The following RABGAP1L variants were observed in gnomAD, a reference collection of about 807,000 sequenced individuals.
The protein encoded by RABGAP1L is RAB GTPase activating protein 1 like.
Under a neutral mutation model 137.7 loss-of-function variants are expected in RABGAP1L, and 63 were observed. The observed-to-expected ratio is 0.46, with a 90% CI of 0.37 to 0.56. The LOEUF (loss-of-function observed/expected upper bound fraction) is 0.56, where lower values mean the gene tolerates loss of function less well. RABGAP1L is among the 20% of genes least tolerant of loss of function. The pLI is 0.00. For missense variants in RABGAP1L, 1,095 were observed against 1,244.0 expected, an observed-to-expected ratio of 0.88 and a Z score of 1.80; for synonymous variants, 431 against 433.7, an observed-to-expected ratio of 0.99 and a Z score of 0.08.
chr1:174,728,470 G>T (rs1682180020), intron 17 of RABGAP1L, among the ~76,000 whole-genome samples: 1 of 152,004 alleles, frequency 6.6e-6, no homozygotes, highest in Non-Finnish European at 1.5e-5. Context: ...AGAAATCACA[G>T]ATGACACAAA....
intron 19 of RABGAP1L, among the ~76,000 whole-genome samples, chr1:174,915,393 G>A (rs935224865): frequency 2.6e-5 from 4 of 151,962 alleles, no homozygotes; most frequent in African/African-American, 9.7e-5. Context: ...TTTTCTAATG[G>A]TGTTGAGCCC....
chr1:174,613,272 G>C (rs1345633600), intron 13 of RABGAP1L, among the ~76,000 whole-genome samples: 1 of 152,046 alleles, frequency 6.6e-6, no homozygotes, highest in East Asian at 1.9e-4. Context: ...GTTCTCGTTG[G>C]TTTCAAAGTA....
intron 11 of RABGAP1L, among the ~76,000 whole-genome samples, chr1:174,349,397 C>T (rs920974612): frequency 4.8e-5 from 6 of 125,568 alleles, no homozygotes; most frequent in Admixed American, 7.7e-5. Flanking sequence ...GGCGGCTGGC[C>T]GGGTGGGGGG....
intron 12 of RABGAP1L, among the ~76,000 whole-genome samples, chr1:174,383,527 T>C (rs1317480442): frequency 6.6e-6 from 1 of 152,134 alleles, no homozygotes; most frequent in Non-Finnish European, 1.5e-5. Context: ...GAAAGGGCAA[T>C]ATTCGGGTGG....
chr1:174,609,755 T>C (rs888208498), intron 13 of RABGAP1L, among the ~76,000 whole-genome samples: 20 of 152,342 alleles, frequency 1.3e-4, no homozygotes, highest in Non-Finnish European at 2.5e-4. Flanking sequence ...ACCTTAATTA[T>C]GTAATTCATC....
chr1:174,327,986 CATATATATATATATATAT>C lies in RABGAP1L; in HGVS notation c.1465+22881_1465+22898del, dbSNP rs3057021. Among the ~76,000 whole-genome samples, 85 of 53,630 alleles carry C rather than the reference CATATATATATATATATAT, an allele frequency of 1.6e-3. 1 individual carries two copies. The highest frequency in any genetic ancestry group is 2.8e-3 in the Admixed American group (13 of 4,600). 35.2% of individuals were successfully genotyped at this position (53,630 alleles called of 152,430 possible). A position where few individuals can be genotyped will look rare whatever the true frequency, so the allele number is the denominator to read the frequency against. ...ATATATATATATATATATACACACA[CATATATATATATATATAT>C]ATATATATATATATATATATACCCA... On this transcript the variant is annotated intron_variant, in intron 11 of 25. Coordinates refer to ENST00000681986, the MANE Select transcript of RABGAP1L (RefSeq NM_001366446.1).
chr1:174,714,778 T>G (rs1212742551), intron 17 of RABGAP1L, among the ~76,000 whole-genome samples: 1 of 152,144 alleles, frequency 6.6e-6, no homozygotes, highest in Non-Finnish European at 1.5e-5. Flanking sequence ...TGAATCAGAT[T>G]TTCTCCCCTC....
At chr1:174,511,684 G>A (rs190058265) in intron 13 of RABGAP1L, among the ~76,000 whole-genome samples, 40 of 151,068 alleles carry the variant, frequency 2.6e-4, no homozygotes, top group African/African-American at 5.1e-4. Context: ...GCGCAATGGC[G>A]TGATCTTGGC....
intron 13 of RABGAP1L, among the ~76,000 whole-genome samples, chr1:174,582,071 A>G (rs561521633): frequency 1.3e-5 from 2 of 152,230 alleles, no homozygotes; most frequent in South Asian, 2.1e-4. Flanking sequence ...TCAGTAGGCA[A>G]TTTAACATGT....
intron 19 of RABGAP1L, 72 bp from the exon 20 acceptor site, chr1:174,957,385 T>G: frequency 8.2e-7 from 1 of 1,219,106 alleles, no homozygotes; most frequent in Non-Finnish European, 1.2e-6. Flanking sequence ...GAAATTTAAC[T>G]AGCAAACACA....
chr1:174,224,998 G>A (rs1202616422), intron 3 of RABGAP1L, among the ~76,000 whole-genome samples: 2 of 151,602 alleles, frequency 1.3e-5, no homozygotes, highest in African/African-American at 4.8e-5. Flanking sequence ...ACCAAATTTG[G>A]GAGTTTTCAC....
At chr1:174,451,127 T>G (rs898772696) in intron 13 of RABGAP1L, among the ~76,000 whole-genome samples, 20 of 152,320 alleles carry the variant, frequency 1.3e-4, no homozygotes, top group African/African-American at 4.6e-4. Context: ...TTCTGTAGCT[T>G]GGGTTTATAT....
At chr1:174,411,560 T>C (rs1472327852) in intron 13 of RABGAP1L, among the ~76,000 whole-genome samples, 1 of 152,052 alleles carries the variant, frequency 6.6e-6, no homozygotes, top group East Asian at 1.9e-4. Context: ...TTTGATACAC[T>C]GTTGAGTTTG....
intron 13 of RABGAP1L, among the ~76,000 whole-genome samples, chr1:174,613,597 A>C (rs1671486493): frequency 6.6e-6 from 1 of 152,122 alleles, no homozygotes; most frequent in African/African-American, 2.4e-5. Flanking sequence ...GCTGAGTTCA[A>C]TTCCTGGATA....
intron 13 of RABGAP1L, among the ~76,000 whole-genome samples, chr1:174,484,707 G>A (rs997186582): frequency 6.6e-6 from 1 of 152,168 alleles, no homozygotes; most frequent in Non-Finnish European, 1.5e-5. Context: ...CATTGTAGAT[G>A]TGTGGGTTTA....
At chr1:174,608,320 A>G (rs1010780857) in intron 13 of RABGAP1L, among the ~76,000 whole-genome samples, 1 of 152,158 alleles carries the variant, frequency 6.6e-6, no homozygotes, top group Admixed American at 6.6e-5. Flanking sequence ...TACTACATTT[A>G]GGGTACTAGA....
intron 11 of RABGAP1L, among the ~76,000 whole-genome samples, chr1:174,349,953 TG>T (rs1193819970): frequency 1.4e-4 from 8 of 58,830 alleles, no homozygotes; most frequent in African/African-American, 3.3e-4. Flanking sequence ...GCTGGCCGGG[TG>T]GGGGGGCTGA....
rs1672221000 is a variant in RABGAP1L at position 174,993,972 on chromosome 1, A to G, written c.*3971A>G. Reference sequence around the variant, plus strand: ...CTCTGCTGCTTTTGTTTACCTGGGTACCACACAACCAAATACACATTGAGA... The same window carrying G: ...CTCTGCTGCTTTTGTTTACCTGGGTGCCACACAACCAAATACACATTGAGA... On this transcript the variant is annotated 3_prime_UTR_variant, in exon 26 of 26. Coordinates refer to ENST00000681986, the MANE Select transcript of RABGAP1L (RefSeq NM_001366446.1). 3 of 152,248 alleles carry G rather than the reference A, an allele frequency of 2.0e-5. No homozygotes were observed. Among genetic ancestry groups the G allele is most frequent in the Admixed American group, 2.0e-4 (3 of 15,284 alleles). The allele number at this position is 152,248 out of a possible 1,614,324, so 9.4% of individuals were successfully genotyped here. A position where few individuals can be genotyped will look rare whatever the true frequency, so the allele number is the denominator to read the frequency against.
At chr1:174,702,454 A>T in intron 17 of RABGAP1L, among the ~76,000 whole-genome samples, 198 bp downstream of exon 17, 1 of 143,908 alleles carries the variant, frequency 6.9e-6, no homozygotes, top group Admixed American at 7.1e-5. Context: ...ATGTTAAGGC[A>T]TATATAATTC....
Sources: allele counts gnomAD v4.1 joint callset (sites outside exome capture counted in the v4.1 genomes callset), GRCh38; gene constraint gnomAD v4.1.1; transcripts MANE v1.5; gene names NCBI Gene and HGNC (gene_info 2026-07-23, HGNC 2026-07-21).